The following LARGE1 variants were observed in gnomAD, a reference collection of about 807,000 sequenced individuals.
The protein encoded by LARGE1 is LARGE xylosyl- and glucuronyltransferase 1, also known as xylosyl- and glucuronyltransferase LARGE1.
A neutral mutation model predicts 87.6 loss-of-function variants in LARGE1; 43 were observed. The observed-to-expected ratio is 0.49, with a 90% CI of 0.38 to 0.63. The LOEUF (loss-of-function observed/expected upper bound fraction) is 0.63. Ranked by LOEUF, LARGE1 falls within the 30% of genes least tolerant of loss-of-function variation. The probability of loss-of-function intolerance (pLI) is 0.00; values close to 1 mark genes in which losing one functional copy is unlikely to be tolerated. For synonymous variants in LARGE1, 434 were observed against 394.6 expected (o/e 1.10, Z -1.18); for missense variants, 802 against 1,000.2 (o/e 0.80, Z 2.67).
At chr22:33,387,087 G>C (rs1255328868) in intron 7 of LARGE1, among the ~76,000 whole-genome samples, 1 of 146,710 alleles carries the variant, frequency 6.8e-6, no homozygotes, top group Non-Finnish European at 1.5e-5. Context: ...CTAGGTAACT[G>C]AGCAAGACTC....
the LARGE1 span, among the ~76,000 whole-genome samples, chr22:33,110,108 CA>C: frequency 2.0e-5 from 3 of 152,194 alleles, no homozygotes; most frequent in Admixed American, 6.5e-5. Context: ...TGTCCACCAC[CA>C]AAACTGTCTG....
chr22:33,394,895 C>T (rs1198367531), intron 7 of LARGE1, among the ~76,000 whole-genome samples: 2 of 152,132 alleles, frequency 1.3e-5, no homozygotes, highest in Non-Finnish European at 1.5e-5. Flanking sequence ...AAGCAGACTG[C>T]CTCTGTGAAA....
intron 6 of LARGE1, among the ~76,000 whole-genome samples, chr22:33,544,754 T>C (rs112594255): frequency 0.011 from 1,687 of 152,176 alleles, 17 homozygotes; most frequent in Middle Eastern, 0.027. Context: ...AGCCTTGGCG[T>C]AATGCTTACT....
intron 11 of LARGE1, among the ~76,000 whole-genome samples, chr22:33,204,252 T>C (rs1924573760): frequency 6.6e-6 from 1 of 151,970 alleles, no homozygotes; most frequent in Non-Finnish European, 1.5e-5. Context: ...TTGTAGAAAA[T>C]AACTCATTTC....
Position 33,314,752 on chromosome 22 carries a change from G to A in LARGE1, c.1451+1333C>T, listed in dbSNP as rs572266004. On this transcript the variant is annotated intron_variant, in intron 11 of 14. Coordinates refer to ENST00000397394, the MANE Select transcript of LARGE1 (RefSeq NM_133642.5). ...ATGACATGTGAGGGAGTTGGGGTAA[G>A]GGCAGCCACTGTGGGCCATGTGTAA... Among the ~76,000 whole-genome samples, 3 of 152,280 alleles carry A rather than the reference G, an allele frequency of 2.0e-5. No individual in the cohort carries two copies. In the East Asian group the frequency reaches 5.8e-4, roughly 29 times the overall value.
At chr22:33,279,667 AG>A (rs1190433023) in intron 13 of LARGE1, among the ~76,000 whole-genome samples, 5 of 152,258 alleles carry the variant, frequency 3.3e-5, no homozygotes, top group African/African-American at 7.2e-5. Context: ...CTTAAATGGA[AG>A]AAAAATGAAA....
intron 2 of LARGE1, among the ~76,000 whole-genome samples, chr22:33,738,548 T>A (rs973198033): frequency 1.3e-5 from 2 of 152,188 alleles, no homozygotes; most frequent in Admixed American, 6.5e-5. Context: ...CTCAGCCTCC[T>A]GGTTGGGCAG....
chr22:33,186,188 C>A (rs561215986), intron 11 of LARGE1, among the ~76,000 whole-genome samples: 1 of 152,212 alleles, frequency 6.6e-6, no homozygotes, highest in Non-Finnish European at 1.5e-5. Context: ...CAGAATAATA[C>A]TGATACCAAA....
chr22:33,601,868 T>A (rs1217658340), intron 5 of LARGE1, among the ~76,000 whole-genome samples: 15 of 152,152 alleles, frequency 9.9e-5, no homozygotes, highest in Non-Finnish European at 5.9e-5. Flanking sequence ...GCACGTAAAA[T>A]AATAGACAGT....
chr22:33,637,825 A>G (rs2080312994), intron 3 of LARGE1, among the ~76,000 whole-genome samples: 1 of 152,202 alleles, frequency 6.6e-6, no homozygotes, highest in South Asian at 2.1e-4. Context: ...CTGCTCCCAG[A>G]TTCCTAATTT....
rs1183186620 is a variant in LARGE1, at chr22:33,887,279, C to A, written c.-83+32716G>T. Among the ~76,000 whole-genome samples the A allele has an allele frequency of 7.9e-5, 12 of 152,154 alleles. No homozygotes were observed. The East Asian group carries it at 1.9e-3, about 24-fold the overall frequency. ...GGAGCCCTCGAGAATAGGATTACTG[C>A]CCTTAAAACAGAAACACTAGAGAGC... On this transcript the variant is annotated intron_variant, in intron 1 of 14. Transcript: ENST00000397394.
chr22:33,467,040 G>GA (rs1216257484), intron 6 of LARGE1, among the ~76,000 whole-genome samples: 7 of 151,458 alleles, frequency 4.6e-5, no homozygotes, highest in African/African-American at 1.2e-4. Flanking sequence ...AAAACTCTCT[G>GA]AAAAAAAAGA....
At chr22:33,762,362 T>A (rs1051647892) in intron 1 of LARGE1, among the ~76,000 whole-genome samples, 1 of 152,010 alleles carries the variant, frequency 6.6e-6, no homozygotes, top group African/African-American at 2.4e-5. Flanking sequence ...ATAAAGGTGC[T>A]GACTGCCCTG....
At chr22:33,870,950 A>C (rs1353644510) in intron 1 of LARGE1, among the ~76,000 whole-genome samples, 1 of 152,210 alleles carries the variant, frequency 6.6e-6, no homozygotes, top group Non-Finnish European at 1.5e-5. Context: ...ATGTGGTCTA[A>C]TGTGGATTCA....
chr22:33,214,439 A>C (rs536031441), intron 11 of LARGE1, among the ~76,000 whole-genome samples: 1 of 152,226 alleles, frequency 6.6e-6, no homozygotes, highest in East Asian at 1.9e-4. Flanking sequence ...GGGGAGCAAA[A>C]TATATAAATA....
chr22:33,837,487 G>A (rs1268603756), intron 1 of LARGE1, among the ~76,000 whole-genome samples: 1 of 152,144 alleles, frequency 6.6e-6, no homozygotes, highest in African/African-American at 2.4e-5. Flanking sequence ...TTCAAGTGGA[G>A]AGAGACCAGG....
At chr22:33,876,148 G>T (rs2064458184) in intron 1 of LARGE1, among the ~76,000 whole-genome samples, 1 of 152,132 alleles carries the variant, frequency 6.6e-6, no homozygotes, top group Non-Finnish European at 1.5e-5. Context: ...CAGTTGGGTG[G>T]GCCTCTGTGG....
chr22:33,918,989 G>A (rs2065865662), intron 1 of LARGE1, among the ~76,000 whole-genome samples: 2 of 150,668 alleles, frequency 1.3e-5, no homozygotes, highest in African/African-American at 4.9e-5. Context: ...CACGAAAAAT[G>A]TAAGCTGCTA....
chr22:33,709,364 G>A (rs771311045), intron 2 of LARGE1, among the ~76,000 whole-genome samples: 17 of 152,144 alleles, frequency 1.1e-4, no homozygotes, highest in Admixed American at 7.2e-4. Context: ...ACAAATAAGA[G>A]AGCCAAAGCT....
Sources: gnomAD v4.1 joint callset for allele counts (sites outside exome capture counted in the v4.1 genomes callset) on GRCh38, gnomAD v4.1.1 for gene constraint, MANE v1.5 for transcripts, NCBI Gene and HGNC (gene_info 2026-07-23, HGNC 2026-07-21) for gene names.